TRIM45: variants seen among roughly 807,000 people sequenced by gnomAD.
The protein encoded by TRIM45 is E3 ubiquitin-protein ligase TRIM45.
A neutral mutation model predicts 46.7 loss-of-function variants in TRIM45; 45 were observed. The observed-to-expected ratio is 0.96, with a 90% CI of 0.76 to 1.24. TRIM45 has a LOEUF of 1.24. TRIM45 is among the 50% of genes most tolerant of loss of function. The probability of loss-of-function intolerance (pLI) is 0.00; values close to 1 mark genes in which losing one functional copy is unlikely to be tolerated. For synonymous variants in TRIM45, 259 were observed against 285.8 expected, an observed-to-expected ratio of 0.91 and a Z score of 0.94; for missense variants, 680 against 728.4, an observed-to-expected ratio of 0.93 and a Z score of 0.77.
At chr1:117,122,888 T>C (rs1259758219), upstream of TRIM45, among the ~76,000 whole-genome samples, 2 of 152,146 alleles carry the variant, frequency 1.3e-5, no homozygotes, top group East Asian at 3.8e-4. Context: ...CCCTCACTGC[T>C]TTCTTTGTTC....
At chr1:117,122,538 G>T (rs1650697337), upstream of TRIM45, 1 of 152,326 alleles carries the variant, frequency 6.6e-6, no homozygotes, top group Non-Finnish European at 1.5e-5. Context: ...GGGGAGTGCA[G>T]ATGACCTAAG....
In TRIM45 at chr1:117,116,504, G is replaced by C; in HGVS notation, c.1352+112C>G. ...TCCTCCTGCCTCCACTTCCCAAAGT[G>C]CTGGGATTACAGGCATGAGCCACTG... On this transcript the variant is annotated intron_variant, in intron 3 of 5. Coordinates refer to ENST00000256649, the MANE Select transcript of TRIM45 (RefSeq NM_025188.4). The surrounding 1 kb of genome is among the most constrained non-coding windows in gnomAD (Gnocchi z 4.6). 7.0e-7 allele frequency: 1 copy of C among 1,424,214 alleles called. No homozygotes were observed. The highest frequency in any genetic ancestry group is 9.5e-7 in the Non-Finnish European group (1 of 1,048,124). The allele number at this position is 1,424,214 out of a possible 1,614,324, so 88.2% of individuals were successfully genotyped here.
Position 117,118,283 on chromosome 1 carries a change from G to C in TRIM45, c.973C>G (p.Arg325Gly), listed in dbSNP as rs771966724. The change falls in exon 2 of 6, where the codon CGG (arginine) becomes GGG (glycine). Residue 325 changes from arginine to glycine, a missense_variant. Transcript: ENST00000256649. The surrounding 1 kb of genome is among the most constrained non-coding windows in gnomAD (Gnocchi z 5.7). The part of the protein sequence containing the change: ...AQLEQLLADM[R>G]TGVEFTEHLL... ...TGCTCGGTGAACTCCACTCCAGTCC[G>C]CATGTCTGCCAGTAACTGTTCCAGC... 2 of 1,614,036 alleles carry C rather than the reference G, an allele frequency of 1.2e-6. No individual in the cohort carries two copies.
At chr1:117,122,136 GA>G (rs1650673548), upstream of TRIM45, 2 of 301,138 alleles carry the variant, frequency 6.6e-6, no homozygotes, top group African/African-American at 4.4e-5. Context: ...CTCGTCCCAC[GA>G]ACGCAGACTG....
rs1650286648 is a variant in TRIM45 at position 117,113,289 on chromosome 1, G to A, written c.1594+70C>T. 6.3e-7 allele frequency: 1 copy of A among 1,580,862 alleles called. No homozygotes were observed. The highest frequency in any genetic ancestry group is 1.3e-5 in the African/African-American group (1 of 74,538). On this transcript the variant is annotated intron_variant, in intron 5 of 5. Coordinates refer to ENST00000256649, the MANE Select transcript of TRIM45 (RefSeq NM_025188.4). This position sits in a 1 kb window ranked among gnomAD's most constrained non-coding sequence, Gnocchi z 4.0. The stretch of plus-strand genomic sequence containing the variant: ...AGTCCAAATGTCTAGTGGCTGTGTG[G>A]TAGGGAAGGGCCCGTCGCTTGATTC...
Position 117,115,750 on chromosome 1 carries a change from A to G in TRIM45, c.1353-61T>C. 2 of 1,140,522 alleles carry G rather than the reference A, an allele frequency of 1.8e-6. No individual in the cohort carries two copies. The highest frequency in any genetic ancestry group is 2.5e-5 in the South Asian group (2 of 80,320). The allele number at this position is 1,140,522 out of a possible 1,614,324, so 70.7% of individuals were successfully genotyped here. Reference sequence around the variant, plus strand: ...CCACAAGCTGGCTTCAGTTGCTACTATTTCAGAATGTAAACTCTACACCAT... The same window carrying G: ...CCACAAGCTGGCTTCAGTTGCTACTGTTTCAGAATGTAAACTCTACACCAT... On this transcript the variant is annotated intron_variant, in intron 3 of 5. Transcript: ENST00000256649. The surrounding 1 kb of genome is among the most constrained non-coding windows in gnomAD (Gnocchi z 4.2).
intron 1 of TRIM45, among the ~76,000 whole-genome samples, chr1:117,119,999 C>T (rs1650561626): frequency 6.6e-6 from 1 of 152,096 alleles, no homozygotes; most frequent in Admixed American, 6.5e-5. Context: ...ATTCTGGTGT[C>T]CTAGGATGGG....
rs1650243589 is a variant in TRIM45, at chr1:117,112,305, T to A, written c.1743A>T (p.Ter581CysextTer15). 6.3e-7 allele frequency: 1 copy of A among 1,596,008 alleles called. No homozygotes were observed. The highest frequency in any genetic ancestry group is 2.3e-5 in the East Asian group (1 of 44,070). ...CTTTAAAAGGCTGAGCACAAACCCA[T>A]CAGAGAGCCACAGTCCTAAGTAGAC... ...PRSLLRTVAL[*>C] is the part of the protein sequence containing the mutation. The change falls in exon 6 of 6, where the codon TGA (stop) becomes TGT (cysteine). Residue 581 changes from the stop codon to cysteine (C), a stop_lost. Transcript: ENST00000256649.
Position 117,121,384 on chromosome 1 carries a change from G to A in TRIM45, c.-183C>T. ...GGCGTCCTCGAAGGAATCACCCACA[G>A]ATCTACTCAGGAGGGCCCCCTCCTT... is the stretch of plus-strand genomic sequence containing the variant. On this transcript the variant is annotated 5_prime_UTR_variant, in exon 1 of 6. Coordinates refer to ENST00000256649, the MANE Select transcript of TRIM45 (RefSeq NM_025188.4). This position sits in a 1 kb window ranked among gnomAD's most constrained non-coding sequence, Gnocchi z 4.2. The A allele has an allele frequency of 1.5e-6, 1 of 673,344 alleles. No homozygotes were observed. Among genetic ancestry groups the A allele is most frequent in the Non-Finnish European group, 2.4e-6 (1 of 411,050 alleles). The allele number at this position is 673,344 out of a possible 1,614,324, so 41.7% of individuals were successfully genotyped here.
Position 117,118,143 on chromosome 1 carries a change from C to T in TRIM45, c.1113G>A (p.Lys371=), listed in dbSNP as rs1194306214. The change falls in exon 2 of 6, where the codon AAG becomes AAA. Residue 371 remains lysine, a synonymous_variant. Transcript: ENST00000256649. The surrounding 1 kb of genome is among the most constrained non-coding windows in gnomAD (Gnocchi z 5.7). ...CTTTCTCCTGAGGACAGAAGCGTAT[C>T]TTATCATTTACTCCAGGACGGGTGC... ...QYSTRPGVND[K]IRFCPQEKAG... The T allele has an allele frequency of 1.9e-6, 3 of 1,614,204 alleles. No homozygotes were observed. The highest frequency in any genetic ancestry group is 1.7e-6 in the Non-Finnish European group (2 of 1,180,052).
At position 117,121,348 on chromosome 1, in the gene TRIM45, C is replaced by A. The variant is rs1650622287; in HGVS notation, c.-147G>T. On this transcript the variant is annotated 5_prime_UTR_variant, in exon 1 of 6. Coordinates refer to ENST00000256649, the MANE Select transcript of TRIM45 (RefSeq NM_025188.4). The surrounding 1 kb of genome is among the most constrained non-coding windows in gnomAD (Gnocchi z 4.2). ...CCTCGCTGACAAATAAAAGGGCAGA[C>A]GGGAAGACGAGGCGTCCTCGAAGGA... is the stretch of plus-strand genomic sequence containing the variant. 2.0e-6 allele frequency: 2 copies of A among 993,926 alleles called. No homozygotes were observed. Among genetic ancestry groups the A allele is most frequent in the African/African-American group, 1.6e-5 (1 of 62,028 alleles). 61.6% of individuals were successfully genotyped at this position (993,926 alleles called of 1,614,324 possible). A position where few individuals can be genotyped will look rare whatever the true frequency, so the allele number is the denominator to read the frequency against.
rs149481054 is a variant in TRIM45 at position 117,113,793 on chromosome 1, C to T, written c.1468-308G>A. Reference sequence around the variant, plus strand: ...ACCTGCTGGACACTGAAAGGAGTCACACAGTCAGCTCCATTTTCAGTGACA... The same window carrying T: ...ACCTGCTGGACACTGAAAGGAGTCATACAGTCAGCTCCATTTTCAGTGACA... On this transcript the variant is annotated intron_variant, in intron 4 of 5. Transcript: ENST00000256649. This position sits in a 1 kb window ranked among gnomAD's most constrained non-coding sequence, Gnocchi z 4.0. 6.6e-6 allele frequency among the ~76,000 whole-genome samples: 1 copy of T among 152,336 alleles called. No homozygotes were observed. Among genetic ancestry groups the T allele is most frequent in the African/African-American group, 2.4e-5 (1 of 41,562 alleles).
Position 117,113,739 on chromosome 1 carries a change from G to A in TRIM45, c.1468-254C>T, listed in dbSNP as rs996710099. 1.1e-4 allele frequency among the ~76,000 whole-genome samples: 17 copies of A among 152,332 alleles called. No homozygotes were observed. The highest frequency in any genetic ancestry group is 3.4e-4 in the African/African-American group (14 of 41,580). On this transcript the variant is annotated intron_variant, in intron 4 of 5. Transcript: ENST00000256649. The surrounding 1 kb of genome is among the most constrained non-coding windows in gnomAD (Gnocchi z 4.0). ...TCACCGCAGATGCTAAGTACTAGACGTAGGTACTGATTTATTCCATGTAGC... is the reference window on the plus strand; with the variant it reads ...TCACCGCAGATGCTAAGTACTAGACATAGGTACTGATTTATTCCATGTAGC...
Position 117,117,609 on chromosome 1 carries a change from G to A in TRIM45, c.1222+425C>T, listed in dbSNP as rs75895534. Among the ~76,000 whole-genome samples, 488 of 152,256 alleles carry A rather than the reference G, an allele frequency of 3.2e-3. 3 individuals carry two copies. Among genetic ancestry groups the A allele is most frequent in the African/African-American group, 0.011 (451 of 41,550 alleles). On this transcript the variant is annotated intron_variant, in intron 2 of 5. Transcript: ENST00000256649. This position sits in a 1 kb window ranked among gnomAD's most constrained non-coding sequence, Gnocchi z 4.9. ...AAAAGGGCCTAAAGGAAAGGAAACC[G>A]TAATCTCATCTTCCTCATTCCTCTG...
Position 117,115,762 on chromosome 1 carries a change from A to G in TRIM45, c.1353-73T>C, listed in dbSNP as rs1650378163. 1.0e-6 allele frequency: 1 copy of G among 978,822 alleles called. No individual in the cohort carries two copies. Among genetic ancestry groups the G allele is most frequent in the African/African-American group, 1.6e-5 (1 of 62,698 alleles). The allele number at this position is 978,822 out of a possible 1,614,324, so 60.6% of individuals were successfully genotyped here. ...TTCAGTTGCTACTATTTCAGAATGT[A>G]AACTCTACACCATCCCATTCAGTAT... On this transcript the variant is annotated intron_variant, in intron 3 of 5. Coordinates refer to ENST00000256649, the MANE Select transcript of TRIM45 (RefSeq NM_025188.4). This position sits in a 1 kb window ranked among gnomAD's most constrained non-coding sequence, Gnocchi z 4.2.
upstream of TRIM45, chr1:117,122,280 G>A (rs1244566441): frequency 6.4e-6 from 1 of 157,330 alleles, no homozygotes; most frequent in Non-Finnish European, 1.4e-5. Context: ...AGGCTGCGAG[G>A]CTCCCCTCTG....
In TRIM45 at chr1:117,121,310, A is replaced by AC; in HGVS notation, c.-110dup. ...GAAAGTCTCCAGAACTTGAACAGAG[A>AC]CCATGGGGACTCCCTCGCTGACAAA... On this transcript the variant is annotated 5_prime_UTR_variant, in exon 1 of 6. It introduces an in-frame stop codon into an upstream open reading frame of the 5' UTR. Coordinates refer to ENST00000256649, the MANE Select transcript of TRIM45 (RefSeq NM_025188.4). This position sits in a 1 kb window ranked among gnomAD's most constrained non-coding sequence, Gnocchi z 4.2. The AC allele has an allele frequency of 7.6e-7, 1 of 1,313,552 alleles. No individual in the cohort carries two copies. Among genetic ancestry groups the AC allele is most frequent in the Non-Finnish European group, 1.0e-6 (1 of 969,880 alleles). 81.4% of individuals were successfully genotyped at this position (1,313,552 alleles called of 1,614,324 possible).
Position 117,116,824 on chromosome 1 carries a change from G to A in TRIM45, c.1223-79C>T. 6.3e-7 allele frequency: 1 copy of A among 1,589,236 alleles called. No individual in the cohort carries two copies. The highest frequency in any genetic ancestry group is 1.1e-5 in the South Asian group (1 of 88,816). On this transcript the variant is annotated intron_variant, in intron 2 of 5. Transcript: ENST00000256649. This position sits in a 1 kb window ranked among gnomAD's most constrained non-coding sequence, Gnocchi z 4.6. Reference sequence around the variant, plus strand: ...ATCTCCATCTTGCTTTTTCTCTTCAGAACAAAGGGTTGTACTTTACTGTAA... The same window carrying A: ...ATCTCCATCTTGCTTTTTCTCTTCAAAACAAAGGGTTGTACTTTACTGTAA...
In TRIM45 at chr1:117,118,590, G is replaced by T. The variant is rs1319529741; in HGVS notation, c.666C>A (p.His222Gln). The change falls in exon 2 of 6, where the codon CAC becomes CAA. Residue 222 changes from histidine to glutamine, a missense_variant. His to Gln is a conservative substitution (Grantham distance 24). Transcript: ENST00000256649. This position sits in a 1 kb window ranked among gnomAD's most constrained non-coding sequence, Gnocchi z 5.7. ...TGACATTGCTGGTGAAGTCACAGGG[G>T]TGTTCCCGATGCTCCCCCACCACAC... is the stretch of plus-strand genomic sequence containing the variant. ...QDCVVGEHREHPCDFTSNVIH... is the reference protein window; with the variant it reads ...QDCVVGEHREQPCDFTSNVIH... The T allele has an allele frequency of 5.6e-6, 9 of 1,614,018 alleles. No homozygotes were observed. The highest frequency in any genetic ancestry group is 7.6e-6 in the Non-Finnish European group (9 of 1,180,046).
Sources: gnomAD v4.1 joint callset for allele counts (sites outside exome capture counted in the v4.1 genomes callset) on GRCh38, gnomAD v4.1.1 for gene constraint, Gnocchi (gnomAD v3.1) non-coding constraint, MANE v1.5 for transcripts, NCBI Gene and HGNC (gene_info 2026-07-23, HGNC 2026-07-21) for gene names.